Variants in LY96 observed in about 807,000 individuals in gnomAD.
LY96 encodes the protein lymphocyte antigen 96.
LY96 carries 18 observed loss-of-function variants against 18.9 expected under a neutral mutation model. The observed-to-expected ratio is 0.95, with a 90% CI of 0.66 to 1.41. The LOEUF is 1.41. Ranked by LOEUF, LY96 falls within the 40% of genes most tolerant of loss-of-function variation. LY96 has a pLI of 0.00. For synonymous variants in LY96, 66 were observed against 62.6 expected (o/e 1.06, Z -0.26); for missense variants, 175 against 182.4 (o/e 0.96, Z 0.23).
At position 74,017,814 on chromosome 8, in the gene LY96, G is replaced by A. The variant is rs930040727; in HGVS notation, c.331+7685G>A. On this transcript the variant is annotated intron_variant, in intron 3 of 4. Transcript: ENST00000284818. The stretch of plus-strand genomic sequence containing the variant: ...CCCAGCCAAACTAAGCTTCACAAGT[G>A]AAGGAGAAATAAAATCCTTTACAGA... 2.0e-5 allele frequency among the ~76,000 whole-genome samples: 3 copies of A among 152,286 alleles called. No homozygotes were observed. The South Asian group carries it at 6.2e-4, about 32-fold the overall frequency.
At chr8:74,054,739 C>T in the LY96 span, among the ~76,000 whole-genome samples, 1 of 148,238 alleles carries the variant, frequency 6.7e-6, no homozygotes, top group African/African-American at 2.5e-5. Flanking sequence ...TCATGGCTCA[C>T]CACAGCCTCA....
the LY96 span, among the ~76,000 whole-genome samples, chr8:74,050,512 T>C: frequency 6.6e-6 from 1 of 151,998 alleles, no homozygotes; most frequent in Non-Finnish European, 1.5e-5. Flanking sequence ...ATAATAAGAA[T>C]ATAAAATAAT....
chr8:74,080,984 C>CTTT, the LY96 span, among the ~76,000 whole-genome samples: 1 of 105,172 alleles, frequency 9.5e-6, no homozygotes, highest in African/African-American at 4.1e-5. Context: ...TTCTTTCTCT[C>CTTT]TCTTTCTTTC....
chr8:74,054,745 C>T, the LY96 span, among the ~76,000 whole-genome samples: 1 of 147,972 alleles, frequency 6.8e-6, no homozygotes, highest in Non-Finnish European at 1.5e-5. Context: ...CTCACCACAG[C>T]CTCAACCTCC....
At chr8:74,018,438 C>T (rs1410133118) in intron 3 of LY96, among the ~76,000 whole-genome samples, 1 of 152,076 alleles carries the variant, frequency 6.6e-6, no homozygotes, top group African/African-American at 2.4e-5. Context: ...CCTTAGAGAC[C>T]TACAAAGAGA....
At chr8:74,029,222 T>C (rs1476829855), downstream of LY96, 9 of 570,174 alleles carry the variant, frequency 1.6e-5, no homozygotes, top group Non-Finnish European at 2.5e-5. Context: ...TGGTGCATCA[T>C]GCAGAGCCAC....
At chr8:74,083,797 T>A in the LY96 span, among the ~76,000 whole-genome samples, 1 of 152,026 alleles carries the variant, frequency 6.6e-6, no homozygotes, top group South Asian at 2.1e-4. Flanking sequence ...GCTGGAGTGA[T>A]CCTCCTGCCT....
chr8:74,011,844 G>A (rs1346909097), intron 3 of LY96, among the ~76,000 whole-genome samples: 1 of 141,046 alleles, frequency 7.1e-6, no homozygotes, highest in African/African-American at 2.7e-5. Context: ...AGGTGACAGA[G>A]TGAGACTCCA....
intron 1 of LY96, among the ~76,000 whole-genome samples, chr8:74,003,137 A>G (rs1460572752): frequency 6.6e-6 from 1 of 152,212 alleles, no homozygotes. Context: ...CAAAGCAGAC[A>G]TCTTTTTCAG....
the LY96 span, among the ~76,000 whole-genome samples, chr8:74,038,036 G>C: frequency 4.6e-5 from 7 of 151,940 alleles, no homozygotes; most frequent in South Asian, 2.1e-4. Context: ...GTACATAGTA[G>C]GTATATATAT....
At chr8:73,995,595 A>T (rs1308423683) in intron 1 of LY96, among the ~76,000 whole-genome samples, 1 of 152,218 alleles carries the variant, frequency 6.6e-6, no homozygotes, top group Admixed American at 6.5e-5. Context: ...AACATACAAA[A>T]ATGGCAAAAA....
At chr8:74,006,954 A>G (rs1816424895) in intron 2 of LY96, among the ~76,000 whole-genome samples, 1 of 152,218 alleles carries the variant, frequency 6.6e-6, no homozygotes, top group Non-Finnish European at 1.5e-5. Context: ...GTGAACAGTA[A>G]AGGGGAGAGG....
the LY96 span, among the ~76,000 whole-genome samples, chr8:74,089,597 G>A: frequency 3.3e-5 from 5 of 152,192 alleles, no homozygotes; most frequent in Non-Finnish European, 7.3e-5. Flanking sequence ...ATGTGTAAAG[G>A]ACAATGTTTG....
intron 3 of LY96, among the ~76,000 whole-genome samples, chr8:74,024,963 G>A (rs1816839150): frequency 1.3e-5 from 2 of 152,104 alleles, no homozygotes. Flanking sequence ...GAGTAACTGG[G>A]ATTATAGGCA....
chr8:74,068,904 C>T, the LY96 span, among the ~76,000 whole-genome samples: 2 of 152,202 alleles, frequency 1.3e-5, no homozygotes, highest in African/African-American at 4.8e-5. Context: ...CAGCAATTCT[C>T]ATGCCTCAGC....
chr8:74,087,275 T>C, the LY96 span, among the ~76,000 whole-genome samples: 4 of 152,298 alleles, frequency 2.6e-5, no homozygotes, highest in South Asian at 8.3e-4. Context: ...AAAATGCAGA[T>C]TAATAAACTG....
At chr8:74,081,915 C>T in the LY96 span, among the ~76,000 whole-genome samples, 3 of 152,116 alleles carry the variant, frequency 2.0e-5, no homozygotes, top group Non-Finnish European at 2.9e-5. Context: ...CGATTACAGG[C>T]GTGAGCCACC....
intron 1 of LY96, among the ~76,000 whole-genome samples, chr8:73,997,970 A>G (rs1230261108): frequency 6.6e-6 from 1 of 152,112 alleles, no homozygotes; most frequent in African/African-American, 2.4e-5. Flanking sequence ...AGAAATTTTT[A>G]TGGGGTGTTC....
chr8:74,044,195 CT>C, the LY96 span, among the ~76,000 whole-genome samples: 121 of 139,416 alleles, frequency 8.7e-4, no homozygotes, highest in African/African-American at 2.0e-3. Context: ...TTTTCTTTTT[CT>C]TTTTTTTTTT....
Sources: allele counts gnomAD v4.1 joint callset (sites outside exome capture counted in the v4.1 genomes callset), GRCh38; gene constraint gnomAD v4.1.1; transcripts MANE v1.5; gene names NCBI Gene and HGNC (gene_info 2026-07-23, HGNC 2026-07-21).